Variants in CDH23 observed in about 807,000 individuals in gnomAD.
The protein encoded by CDH23 is cadherin related 23.
Under a neutral mutation model 317.1 loss-of-function variants are expected in CDH23, and 189 were observed. The observed-to-expected ratio is 0.60, with a 90% CI of 0.53 to 0.67. CDH23 has a LOEUF of 0.67. CDH23 is among the 30% of genes least tolerant of loss of function. CDH23 has a pLI of 0.00. For missense variants in CDH23, 4,401 were observed against 4,592.4 expected (o/e 0.96, Z 1.20); for synonymous variants, 1,839 against 1,876.8 (o/e 0.98, Z 0.52).
chr10:71,577,254 C>T (rs1858276638), intron 8 of CDH23, among the ~76,000 whole-genome samples: 2 of 152,108 alleles, frequency 1.3e-5, no homozygotes, highest in African/African-American at 4.8e-5. Flanking sequence ...GTTCCAGCTC[C>T]TGCCCCTTCT....
intron 1 of CDH23, among the ~76,000 whole-genome samples, chr10:71,418,945 T>C (rs1848637223): frequency 6.6e-6 from 1 of 152,230 alleles, no homozygotes; most frequent in Non-Finnish European, 1.5e-5. Flanking sequence ...AACTAACTAA[T>C]AAACACAATG....
chr10:71,567,353 C>G (rs1441547958), intron 7 of CDH23, among the ~76,000 whole-genome samples: 1 of 152,236 alleles, frequency 6.6e-6, no homozygotes, highest in Non-Finnish European at 1.5e-5. Flanking sequence ...GTTCACCCAG[C>G]TGTGTCCTGA....
At position 71,730,600 on chromosome 10, in the gene CDH23, C is replaced by A; in HGVS notation, c.3711C>A (p.Asp1237Glu). The change falls in exon 31 of 70, where the codon GAC becomes GAA. Residue 1237 changes from aspartate (D) to glutamate (E), a missense_variant. By Grantham distance (45) the Asp-to-Glu change is conservative. Transcript: ENST00000224721. ...SVIVVQATDR[D>E]SGDGGLVNYR... ...TCGTGGTCCAAGCCACAGACCGAGACTCTGGTGAGGCTGGCAGGAGGAAGC... is the reference window on the plus strand; with the variant it reads ...TCGTGGTCCAAGCCACAGACCGAGAATCTGGTGAGGCTGGCAGGAGGAAGC... 6.2e-7 allele frequency: 1 copy of A among 1,613,856 alleles called. No individual in the cohort carries two copies. Among genetic ancestry groups the A allele is most frequent in the Non-Finnish European group, 8.5e-7 (1 of 1,179,890 alleles).
At chr10:71,778,560 C>G (rs937796779) in intron 40 of CDH23, among the ~76,000 whole-genome samples, 1 of 152,168 alleles carries the variant, frequency 6.6e-6, no homozygotes, top group East Asian at 1.9e-4. Context: ...ATGGGAAAAC[C>G]ATGAACTCTG....
Position 71,751,133 on chromosome 10 carries a change from G to T in CDH23, c.4845+9212G>T. Reference sequence around the variant, plus strand: ...GCTTCTGGGATGTCACAGTATCTGAGCCCAGAGCAGGAGGGAGGGAACCAG... The same window carrying T: ...GCTTCTGGGATGTCACAGTATCTGATCCCAGAGCAGGAGGGAGGGAACCAG... On this transcript the variant is annotated intron_variant, in intron 38 of 69. Transcript: ENST00000224721. This position sits in a 1 kb window ranked among gnomAD's most constrained non-coding sequence, Gnocchi z 4.9. 2 of 1,203,314 alleles carry T rather than the reference G, an allele frequency of 1.7e-6. No homozygotes were observed. The highest frequency in any genetic ancestry group is 2.3e-6 in the Non-Finnish European group (2 of 859,722). 74.5% of individuals were successfully genotyped at this position (1,203,314 alleles called of 1,614,324 possible). A position where few individuals can be genotyped will look rare whatever the true frequency, so the allele number is the denominator to read the frequency against.
chr10:71,656,601 G>A (rs1863427350), intron 14 of CDH23, among the ~76,000 whole-genome samples: 1 of 152,216 alleles, frequency 6.6e-6, no homozygotes, highest in African/African-American at 2.4e-5. Context: ...GCAGGGGCGG[G>A]GAGTGCCAGG....
At chr10:71,461,705 A>T (rs903626793) in intron 3 of CDH23, among the ~76,000 whole-genome samples, 1 of 152,066 alleles carries the variant, frequency 6.6e-6, no homozygotes, top group African/African-American at 2.4e-5. Context: ...CCGTGTTCCC[A>T]CACATTAGGT....
chr10:71,681,660 G>C (rs994926209), intron 17 of CDH23, among the ~76,000 whole-genome samples: 4 of 152,178 alleles, frequency 2.6e-5, no homozygotes, highest in Non-Finnish European at 5.9e-5. Flanking sequence ...AGAGACGCCA[G>C]GGGCAGTGGC....
In CDH23 at chr10:71,438,347, C is replaced by CAAAAAAAAAAAAAAAAAAAAAAAA. The variant is rs10596696; in HGVS notation, c.-5-1462_-5-1461insAAAAAAAAAAAAAAAAAAAAAAAA. 5.1e-5 allele frequency among the ~76,000 whole-genome samples: 5 copies of CAAAAAAAAAAAAAAAAAAAAAAAA among 98,360 alleles called. 1 individual carries two copies. The highest frequency in any genetic ancestry group is 3.2e-4 in the South Asian group (1 of 3,108). 64.5% of individuals were successfully genotyped at this position (98,360 alleles called of 152,430 possible). A position where few individuals can be genotyped will look rare whatever the true frequency, so the allele number is the denominator to read the frequency against. On this transcript the variant is annotated intron_variant, in intron 1 of 69. Coordinates refer to ENST00000224721, the MANE Select transcript of CDH23 (RefSeq NM_022124.6). ...TGACAGAGTGAGATTCTGTCTCAAA[C>CAAAAAAAAAAAAAAAAAAAAAAAA]AAAAAAAAAAAAAAAAAAGAAAGAA...
chr10:71,404,530 A>G (rs562986402), intron 1 of CDH23, among the ~76,000 whole-genome samples: 23 of 152,302 alleles, frequency 1.5e-4, no homozygotes, highest in Admixed American at 1.2e-3. Flanking sequence ...TAGTCTTACC[A>G]TTTTACAAGT....
Position 71,798,433 on chromosome 10 carries a change from G to T in CDH23, c.6909G>T (p.Glu2303Asp). The T allele has an allele frequency of 6.2e-7, 1 of 1,613,994 alleles. No homozygotes were observed. Among genetic ancestry groups the T allele is most frequent in the Non-Finnish European group, 8.5e-7 (1 of 1,179,868 alleles). Reference sequence around the variant, plus strand: ...CCTTTGGGATCACCTACTACATGGAGCGGATCCTGGAGGGGGCCACCCCTG... The same window carrying T: ...CCTTTGGGATCACCTACTACATGGATCGGATCCTGGAGGGGGCCACCCCTG... ...FKPFGITYYM[E>D]RILEGATPGT... Residue 2303 changes from glutamate to aspartate, a missense_variant, in exon 50 of 70, where the codon GAG becomes GAT. Physicochemically the swap from Glu to Asp is conservative, Grantham distance 45. This residue lies in a region of CDH23 where 3,068 missense variants were observed against 3,203.3 expected (regional missense o/e 0.96). Transcript: ENST00000224721.
chr10:71,711,133 G>A (rs1865953925), intron 27 of CDH23, among the ~76,000 whole-genome samples: 1 of 152,102 alleles, frequency 6.6e-6, no homozygotes, highest in Non-Finnish European at 1.5e-5. Flanking sequence ...TCCCCTCCTG[G>A]AATGGCTGCC....
intron 3 of CDH23, among the ~76,000 whole-genome samples, chr10:71,508,508 G>C (rs1205287604): frequency 6.6e-6 from 1 of 152,216 alleles, no homozygotes; most frequent in African/African-American, 2.4e-5. Context: ...AAATAGCTCA[G>C]CTTATGCCTG....
chr10:71,430,474 A>G (rs1849319100), intron 1 of CDH23, among the ~76,000 whole-genome samples: 3 of 152,212 alleles, frequency 2.0e-5, no homozygotes, highest in African/African-American at 7.2e-5. Flanking sequence ...ACAGAGGAAC[A>G]AAGATATTTG....
intron 7 of CDH23, among the ~76,000 whole-genome samples, chr10:71,568,495 G>A (rs1330373034): frequency 1.3e-5 from 2 of 152,210 alleles, no homozygotes; most frequent in African/African-American, 4.8e-5. Context: ...CCTATCAAGA[G>A]GACTGGGCTC....
At chr10:71,718,790 G>A (rs1866411470) in intron 28 of CDH23, among the ~76,000 whole-genome samples, 6 of 152,206 alleles carry the variant, frequency 3.9e-5, no homozygotes, top group Admixed American at 3.9e-4. Context: ...AGTGAGGCCA[G>A]GCGTGTTGGC....
rs1393927307 is a variant in CDH23, at chr10:71,397,270, C to A, written c.-54C>A. 5.7e-6 allele frequency: 1 copy of A among 176,922 alleles called. No individual in the cohort carries two copies. Among genetic ancestry groups the A allele is most frequent in the Non-Finnish European group, 1.2e-5 (1 of 85,500 alleles). 11.0% of individuals were successfully genotyped at this position (176,922 alleles called of 1,614,324 possible). ...CCGCGGGGGCCGATCCGGCGGAGAG[C>A]AGAGCCCGAGGCGAGGCGAGGCGCG... On this transcript the variant is annotated 5_prime_UTR_variant, in exon 1 of 70. Coordinates refer to ENST00000224721, the MANE Select transcript of CDH23 (RefSeq NM_022124.6). This position sits in a 1 kb window ranked among gnomAD's most constrained non-coding sequence, Gnocchi z 4.8.
intron 18 of CDH23, among the ~76,000 whole-genome samples, chr10:71,685,131 G>A (rs1330961735): frequency 6.6e-6 from 1 of 152,206 alleles, no homozygotes; most frequent in African/African-American, 2.4e-5. Flanking sequence ...TGAGACCAGT[G>A]CTTCTCAAAC....
rs922142233 is a variant in CDH23, at chr10:71,812,489, T to C, written c.9390T>C (p.Pro3130=). Residue 3130 remains proline (P), a synonymous_variant, in exon 67 of 70, where the codon CCT becomes CCC. Coordinates refer to ENST00000224721, the MANE Select transcript of CDH23 (RefSeq NM_022124.6). ...TNKYSFDGAN[P]VWLDPFCRNL... Reference sequence around the variant, plus strand: ...CCCTCCCCAACTGCAGAGCCAACCCTGTGTGGCTGGATCCCTTCTGTCGGA... The same window carrying C: ...CCCTCCCCAACTGCAGAGCCAACCCCGTGTGGCTGGATCCCTTCTGTCGGA... 2.2e-6 allele frequency: 3 copies of C among 1,348,104 alleles called. No homozygotes were observed. The highest frequency in any genetic ancestry group is 1.1e-5 in the South Asian group (1 of 87,264). The allele number at this position is 1,348,104 out of a possible 1,614,324, so 83.5% of individuals were successfully genotyped here.
Sources: gnomAD v4.1 joint callset for allele counts (sites outside exome capture counted in the v4.1 genomes callset) on GRCh38, gnomAD v4.1.1 for gene constraint, gnomAD v4.1.1 regional missense constraint, Gnocchi (gnomAD v3.1) non-coding constraint, MANE v1.5 for transcripts, NCBI Gene and HGNC (gene_info 2026-07-23, HGNC 2026-07-21) for gene names.